The following TMIGD1 variants were observed in gnomAD, a reference collection of about 807,000 sequenced individuals.
TMIGD1 encodes the protein transmembrane and immunoglobulin domain-containing protein 1.
In TMIGD1, 29 loss-of-function variants were observed where a neutral mutation model predicts 27.5. The ratio of observed to expected loss-of-function variants is 1.05; its 90% confidence interval spans 0.78 to 1.44. TMIGD1 has a LOEUF of 1.44. TMIGD1 is among the 40% of genes most tolerant of loss of function. The pLI is 0.00. For missense variants in TMIGD1, 334 were observed against 310.6 expected, an observed-to-expected ratio of 1.08 and a Z score of -0.57; for synonymous variants, 109 against 110.3, an observed-to-expected ratio of 0.99 and a Z score of 0.07.
rs1441428230 is a variant in TMIGD1, at chr17:30,317,300, T to C, written c.745-67A>G. The C allele has an allele frequency of 2.5e-5, 39 of 1,579,186 alleles. No homozygotes were observed. In the East Asian group the frequency reaches 5.2e-4, roughly 21 times the overall value. On this transcript the variant is annotated intron_variant, in intron 5 of 6. Coordinates refer to ENST00000328886, the MANE Select transcript of TMIGD1 (RefSeq NM_206832.3). ...CCCATGGAGAAATATTTTGAATGCA[T>C]TAAGATGGCTCGAGGACAGGTGTGT... is the stretch of plus-strand genomic sequence containing the variant.
At chr17:30,322,509 T>C (rs1287372673) in intron 4 of TMIGD1, among the ~76,000 whole-genome samples, 6 of 152,202 alleles carry the variant, frequency 3.9e-5, no homozygotes, top group African/African-American at 1.4e-4. Flanking sequence ...TTTATTTATT[T>C]ATTTTTTGAG....
chr17:30,316,858 A>G, intron 6 of TMIGD1, 168 bp from the exon 7 acceptor site: 1 of 685,004 alleles, frequency 1.5e-6, no homozygotes, highest in Non-Finnish European at 2.5e-6. Flanking sequence ...CAGTATGGGG[A>G]TGAATGTGGT....
At chr17:30,317,838 G>A (rs1909468699) in intron 5 of TMIGD1, among the ~76,000 whole-genome samples, 2 of 152,042 alleles carry the variant, frequency 1.3e-5, no homozygotes, top group Admixed American at 6.6e-5. Context: ...GGGAGGCTGA[G>A]GCAGGCAGAT....
At chr17:30,320,221 A>G (rs1310805162) in intron 4 of TMIGD1, among the ~76,000 whole-genome samples, 2 of 151,962 alleles carry the variant, frequency 1.3e-5, no homozygotes, top group Non-Finnish European at 2.9e-5. Context: ...TATTTTTAGT[A>G]GAGACGGGGT....
intron 4 of TMIGD1, among the ~76,000 whole-genome samples, chr17:30,324,360 C>A (rs970846170): frequency 2.6e-5 from 4 of 152,156 alleles, no homozygotes; most frequent in African/African-American, 9.7e-5. Context: ...TTTTTTCCTA[C>A]TCTCTCTGCT....
At position 30,318,920 on chromosome 17, in the gene TMIGD1, GA is replaced by G. The variant is rs763854771; in HGVS notation, c.641-8del. The stretch of plus-strand genomic sequence containing the variant: ...GGTACACCCACAGTTTTATCTGTAG[GA>G]AATGCAAACACAGGGAATAAGAATG... On this transcript the variant is annotated splice_polypyrimidine_tract_variant and splice_region_variant and intron_variant, in intron 4 of 6. Coordinates refer to ENST00000328886, the MANE Select transcript of TMIGD1 (RefSeq NM_206832.3). The G allele has an allele frequency of 1.3e-6, 2 of 1,591,426 alleles. No homozygotes were observed. Among genetic ancestry groups the G allele is most frequent in the Non-Finnish European group, 1.7e-6 (2 of 1,159,426 alleles).
At chr17:30,329,099 C>T in intron 3 of TMIGD1, 152 bp downstream of exon 3, 1 of 792,228 alleles carries the variant, frequency 1.3e-6, no homozygotes, top group Non-Finnish European at 1.9e-6. Flanking sequence ...ATACTCAGTG[C>T]TCATGAGGGT....
At chr17:30,319,261 A>AAAAAAAAAAATATATAT in intron 4 of TMIGD1, among the ~76,000 whole-genome samples, 6 of 69,046 alleles carry the variant, frequency 8.7e-5, no homozygotes, top group African/African-American at 3.6e-4. Context: ...AAAAAAAAAA[A>AAAAAAAAAAATATATAT]ATATATATAT....
At chr17:30,328,979 A>G (rs908164956) in intron 3 of TMIGD1, among the ~76,000 whole-genome samples, 3 of 150,902 alleles carry the variant, frequency 2.0e-5, no homozygotes, top group African/African-American at 4.9e-5. Context: ...AAAAAAAAAA[A>G]AAAGAAAGAA....
intron 4 of TMIGD1, 151 bp downstream of exon 4, chr17:30,324,665 A>C: frequency 1.1e-6 from 1 of 896,146 alleles, no homozygotes; most frequent in East Asian, 2.6e-5. Flanking sequence ...TAGGATTCTT[A>C]GTGGAAAAAT....
chr17:30,317,211 G>C lies in TMIGD1; in HGVS notation c.767C>G (p.Pro256Arg). 2.5e-6 allele frequency: 4 copies of C among 1,614,042 alleles called. No homozygotes were observed. The South Asian group carries it at 3.3e-5, about 13-fold the overall frequency. Residue 256 changes from proline (P) to arginine (R), a missense_variant, in exon 6 of 7, where the codon CCT becomes CGT. Physicochemically the swap from Pro to Arg is moderately radical, Grantham distance 103. Transcript: ENST00000328886. ...IMKLCMKDKD[P>R]HSETAL Reference sequence around the variant, plus strand: ...TACTTACAGAGCTGTTTCACTGTGAGGGTCTTTATCCTTCATGCAGAGCTA... The same window carrying C: ...TACTTACAGAGCTGTTTCACTGTGACGGTCTTTATCCTTCATGCAGAGCTA...
At chr17:30,327,826 T>C (rs1909838912) in intron 3 of TMIGD1, among the ~76,000 whole-genome samples, 1 of 151,976 alleles carries the variant, frequency 6.6e-6, no homozygotes, top group African/African-American at 2.4e-5. Context: ...TGCATCATTA[T>C]ACCTCACCCA....
chr17:30,326,431 T>G (rs1454646793), intron 3 of TMIGD1, among the ~76,000 whole-genome samples: 1 of 152,190 alleles, frequency 6.6e-6, no homozygotes, highest in East Asian at 1.9e-4. Flanking sequence ...TCTTTTTTCT[T>G]AAATAGTTTT....
At chr17:30,332,005 GA>G (rs774316215) in intron 2 of TMIGD1, 46 bp downstream of exon 2, 4 of 1,390,854 alleles carry the variant, frequency 2.9e-6, no homozygotes, top group Non-Finnish European at 4.1e-6. Context: ...TTCTTAATCG[GA>G]AATTTTTCTT....
chr17:30,325,053 C>G lies in TMIGD1; in HGVS notation c.403G>C (p.Glu135Gln). 1.2e-6 allele frequency: 2 copies of G among 1,613,954 alleles called. No homozygotes were observed. The highest frequency in any genetic ancestry group is 1.7e-6 in the Non-Finnish European group (2 of 1,179,920). The change falls in exon 4 of 7, where the codon GAA (glutamate) becomes CAA (glutamine). Residue 135 changes from glutamate (E) to glutamine (Q), a missense_variant. Coordinates refer to ENST00000328886, the MANE Select transcript of TMIGD1 (RefSeq NM_206832.3). ...LSGNDFQTVE[E>Q]GSNVKLVCNV... ...CAAACCAACTTCACATTACTGCCTT[C>G]CTCAACTGTTTGGAAGTCGTTTCCA...
intron 4 of TMIGD1, among the ~76,000 whole-genome samples, chr17:30,322,331 C>G (rs930734088): frequency 6.6e-6 from 1 of 152,056 alleles, no homozygotes; most frequent in Non-Finnish European, 1.5e-5. Context: ...ACCAAAGGCC[C>G]GTCAACCTTA....
Position 30,317,228 on chromosome 17 carries a change from G to C in TMIGD1, c.750C>G (p.Cys250Trp). The C allele has an allele frequency of 6.2e-7, 1 of 1,614,000 alleles. No homozygotes were observed. The highest frequency in any genetic ancestry group is 8.5e-7 in the Non-Finnish European group (1 of 1,179,958). Residue 250 changes from cysteine to tryptophan, a missense_variant, in exon 6 of 7, where the codon TGC becomes TGG. Transcript: ENST00000328886. The part of the protein sequence containing the change: ...IARRKKIMKL[C>W]MKDKDPHSET... ...CACTGTGAGGGTCTTTATCCTTCAT[G>C]CAGAGCTAAAAGCAAACATGGCAGT...
At chr17:30,323,452 G>GC (rs2143152238) in intron 4 of TMIGD1, among the ~76,000 whole-genome samples, 1 of 152,292 alleles carries the variant, frequency 6.6e-6, no homozygotes, top group South Asian at 2.1e-4. Flanking sequence ...TTTAGCCCAA[G>GC]CCCCAGCAGC....
intron 2 of TMIGD1, among the ~76,000 whole-genome samples, chr17:30,331,683 G>A (rs1313588213): frequency 1.3e-5 from 2 of 151,496 alleles, no homozygotes; most frequent in African/African-American, 4.9e-5. Context: ...CCACCTCCTG[G>A]GTTCACGCCA....
Sources: gnomAD v4.1 joint callset for allele counts (sites outside exome capture counted in the v4.1 genomes callset) on GRCh38, gnomAD v4.1.1 for gene constraint, MANE v1.5 for transcripts, NCBI Gene and HGNC (gene_info 2026-07-23, HGNC 2026-07-21) for gene names.